Variants in HPSE2 observed in about 807,000 individuals in gnomAD.
The protein encoded by HPSE2 is heparanase 2 (inactive).
Under a neutral mutation model 60.5 loss-of-function variants are expected in HPSE2, and 38 were observed. The ratio of observed to expected loss-of-function variants is 0.63; its 90% CI spans 0.48 to 0.82. HPSE2 has a LOEUF of 0.82. Ranked by LOEUF, HPSE2 falls within the 40% of genes least tolerant of loss-of-function variation. HPSE2 has a pLI of 0.00. For missense variants in HPSE2, 713 were observed against 740.4 expected, an observed-to-expected ratio of 0.96 and a Z score of 0.43; for synonymous variants, 295 against 293.2, an observed-to-expected ratio of 1.01 and a Z score of -0.06.
intron 3 of HPSE2, among the ~76,000 whole-genome samples, chr10:98,744,337 G>A (rs1482140260): frequency 6.6e-6 from 1 of 152,046 alleles, no homozygotes; most frequent in Non-Finnish European, 1.5e-5. Context: ...AGACCAGCCT[G>A]ACCAACCTGG....
intron 3 of HPSE2, among the ~76,000 whole-genome samples, chr10:98,963,766 T>A (rs927228058): frequency 1.3e-5 from 2 of 152,058 alleles, no homozygotes; most frequent in Non-Finnish European, 2.9e-5. Flanking sequence ...GTGAAGAACA[T>A]CAATGGTGGG....
chr10:99,065,451 A>G (rs1394173109), intron 3 of HPSE2, among the ~76,000 whole-genome samples: 2 of 152,204 alleles, frequency 1.3e-5, no homozygotes, highest in Non-Finnish European at 2.9e-5. Flanking sequence ...ACAAAGGAAT[A>G]TAGCTATAAC....
chr10:98,676,166 C>T (rs376037296), intron 6 of HPSE2, among the ~76,000 whole-genome samples: 3 of 152,124 alleles, frequency 2.0e-5, no homozygotes, highest in East Asian at 1.9e-4. Context: ...ATAATGTATG[C>T]GATGTGCTTG....
intron 3 of HPSE2, among the ~76,000 whole-genome samples, chr10:99,031,417 G>A (rs1461124815): frequency 6.6e-6 from 1 of 152,012 alleles, no homozygotes; most frequent in African/African-American, 2.4e-5. Flanking sequence ...ATTTTTACTA[G>A]GTCCTAGAGG....
At chr10:98,516,601 G>A (rs1054897366) in intron 9 of HPSE2, among the ~76,000 whole-genome samples, 1 of 151,940 alleles carries the variant, frequency 6.6e-6, no homozygotes, top group African/African-American at 2.4e-5. Flanking sequence ...TTTTTTTTCT[G>A]TCTCTGAATG....
intron 2 of HPSE2, among the ~76,000 whole-genome samples, chr10:99,210,313 G>A (rs1362537166): frequency 1.3e-5 from 2 of 152,152 alleles, no homozygotes; most frequent in South Asian, 2.1e-4. Context: ...GCCAGGATCC[G>A]ACAGCTTCCC....
At chr10:98,882,165 A>G (rs893758387) in intron 3 of HPSE2, among the ~76,000 whole-genome samples, 1 of 152,018 alleles carries the variant, frequency 6.6e-6, no homozygotes, top group African/African-American at 2.4e-5. Flanking sequence ...AAGAAGGGGC[A>G]TATTTGGAGC....
intron 3 of HPSE2, among the ~76,000 whole-genome samples, chr10:98,960,674 T>C (rs116031811): frequency 0.014 from 2,156 of 148,768 alleles, 54 homozygotes; most frequent in African/African-American, 0.05. Flanking sequence ...TTCATCTTCT[T>C]TGAATTACAG....
upstream of HPSE2, among the ~76,000 whole-genome samples, chr10:99,236,694 CA>C (rs896096323): frequency 6.6e-6 from 1 of 152,130 alleles, no homozygotes; most frequent in Non-Finnish European, 1.5e-5. Context: ...ATCCGAGGGC[CA>C]AAAGGGACAT....
chr10:98,963,528 T>C (rs1955736059), intron 3 of HPSE2, among the ~76,000 whole-genome samples: 1 of 152,166 alleles, frequency 6.6e-6, no homozygotes. Context: ...ATAGTGTTTC[T>C]GGCTTTCATT....
At chr10:98,911,984 T>C (rs977638718) in intron 3 of HPSE2, among the ~76,000 whole-genome samples, 2 of 152,238 alleles carry the variant, frequency 1.3e-5, no homozygotes, top group African/African-American at 2.4e-5. Context: ...CCTTGCAGAA[T>C]TGTTACGATA....
At chr10:98,544,412 T>G (rs1254736342) in intron 9 of HPSE2, among the ~76,000 whole-genome samples, 1 of 151,646 alleles carries the variant, frequency 6.6e-6, no homozygotes, top group African/African-American at 2.4e-5. Flanking sequence ...AACATCCCAA[T>G]TAAAAGAACT....
the HPSE2 span, among the ~76,000 whole-genome samples, chr10:99,275,770 C>T: frequency 6.6e-6 from 1 of 152,158 alleles, no homozygotes; most frequent in African/African-American, 2.4e-5. Flanking sequence ...TGTAGTGTTT[C>T]CCCTAAGGCA....
chr10:99,119,291 T>C (rs1231608527), intron 3 of HPSE2, among the ~76,000 whole-genome samples: 1 of 152,118 alleles, frequency 6.6e-6, no homozygotes, highest in Non-Finnish European at 1.5e-5. Flanking sequence ...CTAGCATTGC[T>C]ACACCAACAG....
intron 3 of HPSE2, among the ~76,000 whole-genome samples, chr10:98,960,997 T>A (rs1955665638): frequency 1.3e-5 from 1 of 76,676 alleles, no homozygotes; most frequent in South Asian, 6.5e-4. Context: ...CGGTGTTTGG[T>A]TTTTTGTTCT....
intron 9 of HPSE2, among the ~76,000 whole-genome samples, chr10:98,613,611 T>C (rs940198298): frequency 2.0e-5 from 3 of 152,182 alleles, no homozygotes; most frequent in Non-Finnish European, 4.4e-5. Context: ...GAGAGGCAAG[T>C]GGTAGGAATG....
chr10:99,176,466 C>T (rs1434881540), intron 2 of HPSE2, among the ~76,000 whole-genome samples: 2 of 151,974 alleles, frequency 1.3e-5, no homozygotes, highest in Non-Finnish European at 2.9e-5. Flanking sequence ...ACAAGAACTT[C>T]GTGAAGCATA....
intron 3 of HPSE2, among the ~76,000 whole-genome samples, chr10:98,855,910 G>C (rs1431431457): frequency 2.0e-5 from 3 of 152,122 alleles, no homozygotes; most frequent in Non-Finnish European, 2.9e-5. Context: ...GGAACATTGA[G>C]AAAAATCCTC....
chr10:98,909,401 C>T (rs1444292600), intron 3 of HPSE2, among the ~76,000 whole-genome samples: 5 of 149,664 alleles, frequency 3.3e-5, no homozygotes, highest in South Asian at 2.1e-4. Context: ...GAGGTCGAAG[C>T]GGGTGAATCC....
Sources: gnomAD v4.1 joint callset for allele counts (sites outside exome capture counted in the v4.1 genomes callset) on GRCh38, gnomAD v4.1.1 for gene constraint, MANE v1.5 for transcripts, NCBI Gene and HGNC (gene_info 2026-07-23, HGNC 2026-07-21) for gene names.